The following STPG1 variants were observed in gnomAD, a reference collection of about 807,000 sequenced individuals.
The protein encoded by STPG1 is sperm tail PG-rich repeat containing 1.
A neutral mutation model predicts 40.1 loss-of-function variants in STPG1; 33 were observed. The observed-to-expected ratio is 0.82, with a 90% CI of 0.62 to 1.10. The LOEUF is 1.10. Ranked by LOEUF, STPG1 falls within the 50% of genes least tolerant of loss-of-function variation. The pLI is 0.00. For missense variants in STPG1, 396 were observed against 415.1 expected (o/e 0.95, Z 0.40); for synonymous variants, 150 against 155.0 (o/e 0.97, Z 0.24).
chr1:24,393,672 A>C (rs1642873035), intron 2 of STPG1, among the ~76,000 whole-genome samples: 1 of 152,206 alleles, frequency 6.6e-6, no homozygotes. Flanking sequence ...AGAATTTTTG[A>C]AAAACACTCT....
intron 5 of STPG1, among the ~76,000 whole-genome samples, chr1:24,376,380 C>T (rs1381130694): frequency 6.6e-6 from 1 of 152,086 alleles, no homozygotes; most frequent in Non-Finnish European, 1.5e-5. Context: ...GGGACTTCCA[C>T]TTTCTAATTA....
chr1:24,401,543 C>T (rs1643228712), intron 1 of STPG1, 87 bp from the exon 2 acceptor site: 2 of 673,154 alleles, frequency 3.0e-6, no homozygotes, highest in South Asian at 1.8e-5. Context: ...ACAGGGTAAA[C>T]TGAGAAATGG....
chr1:24,358,466 C>A lies in STPG1; in HGVS notation c.*77G>T. On this transcript the variant is annotated 3_prime_UTR_variant, in exon 9 of 9. Transcript: ENST00000337248. Reference sequence around the variant, plus strand: ...CAGCTGCCACACTCATGATCGGTCTCCTCCTGAGGAATGTCCTGGGGACGC... The same window carrying A: ...CAGCTGCCACACTCATGATCGGTCTACTCCTGAGGAATGTCCTGGGGACGC... The A allele has an allele frequency of 8.0e-7, 1 of 1,245,218 alleles. No individual in the cohort carries two copies. Among genetic ancestry groups the A allele is most frequent in the South Asian group, 1.2e-5 (1 of 83,584 alleles). 77.1% of individuals were successfully genotyped at this position (1,245,218 alleles called of 1,614,324 possible). A position where few individuals can be genotyped will look rare whatever the true frequency, so the allele number is the denominator to read the frequency against.
intron 1 of STPG1, among the ~76,000 whole-genome samples, chr1:24,402,564 C>A (rs959832600): frequency 7.2e-5 from 11 of 152,004 alleles, no homozygotes; most frequent in Non-Finnish European, 1.5e-5. Context: ...GAGTTTGAGA[C>A]TAGCCTAAGC....
intron 4 of STPG1, among the ~76,000 whole-genome samples, chr1:24,383,534 T>C (rs189745617): frequency 2.6e-3 from 400 of 152,280 alleles, no homozygotes; most frequent in Non-Finnish European, 3.8e-3. Context: ...GACAACCAAT[T>C]AGATTAAGCA....
chr1:24,377,859 A>C (rs1381036129), intron 5 of STPG1, among the ~76,000 whole-genome samples: 1 of 152,182 alleles, frequency 6.6e-6, no homozygotes, highest in African/African-American at 2.4e-5. Context: ...CAAGCTGGGT[A>C]ACTGTGCAAG....
intron 8 of STPG1, among the ~76,000 whole-genome samples, chr1:24,360,504 C>T (rs1474787038): frequency 1.3e-5 from 2 of 152,182 alleles, no homozygotes; most frequent in Non-Finnish European, 2.9e-5. Context: ...TTCTGACACT[C>T]TGACAAAAGC....
Position 24,379,591 on chromosome 1 carries a change from CCTTTT to C in STPG1, c.462+57_462+61del, listed in dbSNP as rs1557444235. The stretch of plus-strand genomic sequence containing the variant: ...TACGATGTCCCCAAGATCCCCTCTT[CCTTTT>C]ATTTTAGTAAACCATTAATTCGATC... On this transcript the variant is annotated intron_variant, in intron 5 of 8. Transcript: ENST00000337248. 3 of 1,564,710 alleles carry C rather than the reference CCTTTT, an allele frequency of 1.9e-6. No homozygotes were observed. The African/African-American group carries it at 4.1e-5, about 21-fold the overall frequency.
intron 3 of STPG1, among the ~76,000 whole-genome samples, chr1:24,384,954 A>G (rs1205284925): frequency 1.3e-5 from 2 of 152,136 alleles, no homozygotes; most frequent in Non-Finnish European, 2.9e-5. Context: ...ACTCCTCACA[A>G]CAAGCCTTTT....
intron 3 of STPG1, among the ~76,000 whole-genome samples, chr1:24,390,583 T>A (rs1642724777): frequency 6.6e-6 from 1 of 152,074 alleles, no homozygotes; most frequent in African/African-American, 2.4e-5. Flanking sequence ...CACTCCCAGC[T>A]AATTTTTGTA....
chr1:24,388,367 G>A (rs900857996), intron 3 of STPG1, among the ~76,000 whole-genome samples: 1 of 152,180 alleles, frequency 6.6e-6, no homozygotes, highest in African/African-American at 2.4e-5. Context: ...CTTCACCTAC[G>A]CAAAGTTACC....
intron 2 of STPG1, among the ~76,000 whole-genome samples, chr1:24,395,712 A>G (rs1026021926): frequency 2.0e-5 from 3 of 152,220 alleles, no homozygotes; most frequent in Non-Finnish European, 4.4e-5. Flanking sequence ...GATTACAGGC[A>G]TGAGCCACCA....
chr1:24,372,943 C>T (rs1199239797), intron 6 of STPG1, among the ~76,000 whole-genome samples: 1 of 152,182 alleles, frequency 6.6e-6, no homozygotes. Context: ...AGGAGAGGTG[C>T]AACACCCTTC....
In STPG1 at chr1:24,391,596, A is replaced by G; in HGVS notation, c.154T>C (p.Phe52Leu). 6.5e-7 allele frequency: 1 copy of G among 1,547,516 alleles called. No individual in the cohort carries two copies. ...SVIPESEKKG[F>L]NSQAKRFPHK... ...GGAAATCTCTTGGCTTGACTATTGA[A>G]TCCTTTTTTTTCTGATTCTGGGATT... Residue 52 changes from phenylalanine to leucine, a missense_variant, in exon 3 of 9, where the codon TTC becomes CTC. Transcript: ENST00000337248.
chr1:24,414,086 C>G (rs1265753202), upstream of STPG1: 1 of 152,106 alleles, frequency 6.6e-6, no homozygotes, highest in African/African-American at 2.4e-5. Flanking sequence ...CTTTGTCGAG[C>G]AGGCTGTAGT....
At chr1:24,364,456 A>C in intron 7 of STPG1, 1 of 1,428,748 alleles carries the variant, frequency 7.0e-7, no homozygotes, top group Non-Finnish European at 9.2e-7. Context: ...CCCTGAATAC[A>C]TTCTGGCTAT....
intron 4 of STPG1, among the ~76,000 whole-genome samples, chr1:24,382,561 G>A (rs142443156): frequency 1.3e-5 from 2 of 152,138 alleles, no homozygotes; most frequent in Middle Eastern, 3.4e-3. Context: ...TTCATGAGAC[G>A]GCACTTCTTT....
intron 1 of STPG1, among the ~76,000 whole-genome samples, chr1:24,402,806 A>ATTTAATTGGG (rs1358152553): frequency 4.6e-5 from 7 of 151,986 alleles, no homozygotes; most frequent in African/African-American, 1.7e-4. Flanking sequence ...AAACAATTGG[A>ATTTAATTGGG]TTTAATTGGG....
chr1:24,361,610 A>G (rs922910653), intron 7 of STPG1, among the ~76,000 whole-genome samples: 1 of 152,072 alleles, frequency 6.6e-6, no homozygotes. Flanking sequence ...GAATCCTACT[A>G]AATATCATCC....
Sources: gnomAD v4.1 joint callset for allele counts (sites outside exome capture counted in the v4.1 genomes callset) on GRCh38, gnomAD v4.1.1 for gene constraint, MANE v1.5 for transcripts, NCBI Gene and HGNC (gene_info 2026-07-23, HGNC 2026-07-21) for gene names.